Variants in RASEF observed in about 807,000 individuals in gnomAD.
RASEF encodes the protein RAS and EF-hand domain containing.
Under a neutral mutation model 90.1 loss-of-function variants are expected in RASEF, and 68 were observed. The ratio of observed to expected loss-of-function variants is 0.75; its 90% CI spans 0.62 to 0.92. The LOEUF (loss-of-function observed/expected upper bound fraction) is 0.92, where lower values mean the gene tolerates loss of function less well. RASEF is among the 40% of genes least tolerant of loss of function. RASEF has a pLI of 0.00. For missense variants in RASEF, 949 were observed against 937.2 expected (o/e 1.01, Z -0.16); for synonymous variants, 331 against 345.2 (o/e 0.96, Z 0.46).
intron 15 of RASEF, among the ~76,000 whole-genome samples, chr9:82,992,494 A>G (rs1008467029): frequency 1.3e-5 from 2 of 152,234 alleles, no homozygotes; most frequent in Non-Finnish European, 2.9e-5. Context: ...CACAGGTGAG[A>G]CACTGTACCT....
At chr9:83,177,575 G>A in the RASEF span, among the ~76,000 whole-genome samples, 2 of 150,616 alleles carry the variant, frequency 1.3e-5, no homozygotes, top group Non-Finnish European at 3.0e-5. Flanking sequence ...TTTCTGGTAA[G>A]ATGCTAATCT....
intron 2 of RASEF, among the ~76,000 whole-genome samples, chr9:83,025,459 G>A (rs538280539): frequency 6.6e-6 from 1 of 152,204 alleles, no homozygotes; most frequent in African/African-American, 2.4e-5. Flanking sequence ...TTCAAATAGT[G>A]TTCCATCTAC....
chr9:83,186,964 A>T, the RASEF span, among the ~76,000 whole-genome samples: 2 of 151,938 alleles, frequency 1.3e-5, no homozygotes, highest in East Asian at 3.9e-4. Context: ...AAACTAACCA[A>T]CCCAGAGCCT....
At chr9:83,035,678 T>C (rs1425425427) in intron 1 of RASEF, among the ~76,000 whole-genome samples, 1 of 152,160 alleles carries the variant, frequency 6.6e-6, no homozygotes, top group Non-Finnish European at 1.5e-5. Flanking sequence ...AGGCATAATC[T>C]AGTAGTGTTA....
the RASEF span, among the ~76,000 whole-genome samples, chr9:83,179,321 T>C: frequency 6.6e-6 from 1 of 152,170 alleles, no homozygotes; most frequent in African/African-American, 2.4e-5. Flanking sequence ...ATAGGAATTA[T>C]ATATAAAGCA....
the RASEF span, among the ~76,000 whole-genome samples, chr9:83,177,792 T>C: frequency 6.6e-6 from 1 of 152,132 alleles, no homozygotes; most frequent in Non-Finnish European, 1.5e-5. Flanking sequence ...CATTTTCTCA[T>C]GAAATTTGGG....
At chr9:83,058,452 G>A (rs1392386576) in intron 1 of RASEF, among the ~76,000 whole-genome samples, 1 of 147,870 alleles carries the variant, frequency 6.8e-6, no homozygotes, top group Non-Finnish European at 1.5e-5. Context: ...AAAGTGCTGG[G>A]ATTACAGGCG....
At chr9:83,087,436 T>TCTCTCTCTCTCC in the RASEF span, among the ~76,000 whole-genome samples, 1 of 151,738 alleles carries the variant, frequency 6.6e-6, no homozygotes, top group African/African-American at 2.4e-5. Context: ...TCTCTCTCTC[T>TCTCTCTCTCTCC]CTCTGTCTCT....
the RASEF span, among the ~76,000 whole-genome samples, chr9:83,116,708 A>C: frequency 1.3e-5 from 2 of 152,250 alleles, no homozygotes; most frequent in Non-Finnish European, 2.9e-5. Context: ...AAAATACACA[A>C]ATTTCTCAAA....
At chr9:83,019,254 A>G (rs1293259177) in intron 3 of RASEF, among the ~76,000 whole-genome samples, 1 of 152,182 alleles carries the variant, frequency 6.6e-6, no homozygotes, top group Non-Finnish European at 1.5e-5. Flanking sequence ...AAGAACTCTC[A>G]AAACATAGTA....
chr9:83,065,570 G>C (rs1830275707), upstream of RASEF, among the ~76,000 whole-genome samples: 1 of 152,188 alleles, frequency 6.6e-6, no homozygotes, highest in South Asian at 2.1e-4. Flanking sequence ...CCCTAAGTCA[G>C]TGTGGGAAGG....
At chr9:83,024,576 T>G (rs1829506521) in intron 2 of RASEF, among the ~76,000 whole-genome samples, 1 of 152,120 alleles carries the variant, frequency 6.6e-6, no homozygotes, top group South Asian at 2.1e-4. Flanking sequence ...ACTCTGGAGT[T>G]CTGAGGACCA....
At chr9:83,114,251 A>C in the RASEF span, among the ~76,000 whole-genome samples, 8 of 152,144 alleles carry the variant, frequency 5.3e-5, no homozygotes, top group African/African-American at 1.9e-4. Context: ...TGAAGATTTC[A>C]TGGACACTTA....
chr9:83,205,784 T>C, the RASEF span, among the ~76,000 whole-genome samples: 3 of 152,196 alleles, frequency 2.0e-5, no homozygotes, highest in African/African-American at 7.2e-5. Flanking sequence ...GTTGAAATGT[T>C]TAAATGTTTA....
chr9:83,106,501 C>A, the RASEF span, among the ~76,000 whole-genome samples: 8 of 152,106 alleles, frequency 5.3e-5, no homozygotes, highest in African/African-American at 7.2e-5. Context: ...TGCTCATACC[C>A]TTCCTCTCCA....
the RASEF span, among the ~76,000 whole-genome samples, chr9:83,212,751 G>C: frequency 6.6e-6 from 1 of 152,228 alleles, no homozygotes; most frequent in East Asian, 1.9e-4. Context: ...CTCCAGCATA[G>C]CCAGTGGGAC....
chr9:83,193,583 AG>A, the RASEF span, among the ~76,000 whole-genome samples: 3 of 152,232 alleles, frequency 2.0e-5, no homozygotes, highest in African/African-American at 7.2e-5. Context: ...GGTACACAAC[AG>A]GCATCTAATA....
chr9:83,020,699 C>G (rs1384953452), intron 3 of RASEF, among the ~76,000 whole-genome samples: 2 of 152,136 alleles, frequency 1.3e-5, no homozygotes, highest in African/African-American at 4.8e-5. Context: ...ATTAACAAAA[C>G]ATGAAATTCT....
intron 1 of RASEF, among the ~76,000 whole-genome samples, chr9:83,060,442 C>T (rs1245554477): frequency 6.6e-6 from 1 of 152,126 alleles, no homozygotes; most frequent in Non-Finnish European, 1.5e-5. Context: ...ATGTTTCATC[C>T]ACACCATGAG....
Sources: allele counts gnomAD v4.1 joint callset (sites outside exome capture counted in the v4.1 genomes callset), GRCh38; gene constraint gnomAD v4.1.1; transcripts MANE v1.5; gene names NCBI Gene and HGNC (gene_info 2026-07-23, HGNC 2026-07-21).